SENP6: variants seen among roughly 807,000 people sequenced by gnomAD.
SENP6 encodes the protein SUMO specific peptidase 6, also known as sentrin-specific protease 6.
In SENP6, 41 loss-of-function variants were observed where a neutral mutation model predicts 134.5. That is an observed-to-expected ratio of 0.30 (90% CI 0.24 to 0.40). The LOEUF (loss-of-function observed/expected upper bound fraction) is 0.40. SENP6 is among the 10% of genes least tolerant of loss of function. The probability of loss-of-function intolerance (pLI) is 1.00; values close to 1 mark genes in which losing one functional copy is unlikely to be tolerated. For missense variants in SENP6, 1,248 were observed against 1,312.5 expected (o/e 0.95, Z 0.76); for synonymous variants, 395 against 429.8 (o/e 0.92, Z 1.00).
intron 21 of SENP6, 54 bp from the exon 22 acceptor site, chr6:75,713,459 T>A: frequency 7.3e-7 from 1 of 1,372,592 alleles, no homozygotes; most frequent in Non-Finnish European, 1.0e-6. Flanking sequence ...TTAATCCTTT[T>A]ATGCATTTGT....
chr6:75,640,040 T>C (rs1769905839), intron 5 of SENP6, among the ~76,000 whole-genome samples: 1 of 152,204 alleles, frequency 6.6e-6, no homozygotes, highest in African/African-American at 2.4e-5. Context: ...GATAACATTA[T>C]TGAATTTTTC....
chr6:75,696,931 T>C (rs1019929557), intron 17 of SENP6, among the ~76,000 whole-genome samples: 2 of 152,170 alleles, frequency 1.3e-5, no homozygotes, highest in Non-Finnish European at 2.9e-5. Context: ...TAATAAATAA[T>C]TAATAATAAT....
chr6:75,661,079 G>A (rs1414354915), intron 8 of SENP6, among the ~76,000 whole-genome samples: 1 of 151,940 alleles, frequency 6.6e-6, no homozygotes, highest in Non-Finnish European at 1.5e-5. Context: ...ATTGTTTCTC[G>A]GCCTTCTCAG....
At chr6:75,608,763 G>A (rs1001366917) in intron 1 of SENP6, among the ~76,000 whole-genome samples, 1 of 152,122 alleles carries the variant, frequency 6.6e-6, no homozygotes, top group Non-Finnish European at 1.5e-5. Flanking sequence ...TTATAAGATT[G>A]CCATGAGGAT....
intron 7 of SENP6, among the ~76,000 whole-genome samples, chr6:75,656,856 C>T (rs1771382300): frequency 6.6e-6 from 1 of 152,112 alleles, no homozygotes; most frequent in African/African-American, 2.4e-5. Context: ...TCATTTTTCT[C>T]TACCTATTAT....
chr6:75,689,554 C>T (rs757721876), intron 16 of SENP6, among the ~76,000 whole-genome samples: 18 of 152,298 alleles, frequency 1.2e-4, no homozygotes, highest in Admixed American at 4.6e-4. Context: ...TATGATCCAG[C>T]AATCCCACTT....
At chr6:75,605,991 A>G (rs1018069902) in intron 1 of SENP6, among the ~76,000 whole-genome samples, 4 of 152,136 alleles carry the variant, frequency 2.6e-5, no homozygotes. Flanking sequence ...GACTTGATGA[A>G]CTGTACATTG....
intron 19 of SENP6, among the ~76,000 whole-genome samples, chr6:75,706,253 G>T (rs764108230): frequency 6.6e-6 from 1 of 151,962 alleles, no homozygotes; most frequent in Non-Finnish European, 1.5e-5. Context: ...TTTTTGAGAT[G>T]ATGAAAAGGT....
chr6:75,709,901 T>C (rs1406849934), intron 20 of SENP6, among the ~76,000 whole-genome samples: 1 of 152,204 alleles, frequency 6.6e-6, no homozygotes, highest in African/African-American at 2.4e-5. Flanking sequence ...TGAATTTGGA[T>C]CATATCTTAA....
At chr6:75,652,683 C>CAAAAAAAAACAAAA (rs1770968332) in intron 7 of SENP6, among the ~76,000 whole-genome samples, 1 of 75,856 alleles carries the variant, frequency 1.3e-5, no homozygotes, top group African/African-American at 6.3e-5. Flanking sequence ...CTAAAAATCT[C>CAAAAAAAAACAAAA]AAAAAAAAAA....
At chr6:75,687,935 T>C (rs1773961202) in intron 16 of SENP6, among the ~76,000 whole-genome samples, 1 of 150,686 alleles carries the variant, frequency 6.6e-6, no homozygotes. Flanking sequence ...TCTTCAGAGC[T>C]ATCAGACAGG....
At chr6:75,706,176 TG>T (rs1414312743) in intron 19 of SENP6, among the ~76,000 whole-genome samples, 1 of 151,362 alleles carries the variant, frequency 6.6e-6, no homozygotes, top group Non-Finnish European at 1.5e-5. Context: ...TCGGGGCTTT[TG>T]GGGGTGGGCA....
intron 16 of SENP6, among the ~76,000 whole-genome samples, chr6:75,694,077 A>T (rs1774485295): frequency 1.3e-5 from 2 of 152,094 alleles, no homozygotes; most frequent in Admixed American, 1.3e-4. Flanking sequence ...AGCAACATGG[A>T]GAAACCCCGT....
intron 16 of SENP6, among the ~76,000 whole-genome samples, chr6:75,693,356 AT>A: frequency 6.7e-6 from 1 of 148,596 alleles, no homozygotes; most frequent in East Asian, 2.1e-4. Context: ...GTGAGCCAAG[AT>A]TGCACCACTG....
intron 8 of SENP6, among the ~76,000 whole-genome samples, chr6:75,661,578 A>G (rs1424724457): frequency 2.0e-5 from 3 of 152,258 alleles, no homozygotes; most frequent in Non-Finnish European, 4.4e-5. Flanking sequence ...TTGTTTTTTA[A>G]TAGAAGTCTT....
intron 23 of SENP6, among the ~76,000 whole-genome samples, chr6:75,714,145 A>C (rs571912401): frequency 1.3e-5 from 2 of 152,108 alleles, no homozygotes; most frequent in African/African-American, 4.8e-5. Context: ...TCTCCTCTTC[A>C]TAGATACATT....
At chr6:75,713,353 G>A (rs1249465159) in intron 21 of SENP6, among the ~76,000 whole-genome samples, 160 bp from the exon 22 acceptor site, 1 of 152,106 alleles carries the variant, frequency 6.6e-6, no homozygotes, top group Non-Finnish European at 1.5e-5. Context: ...AGGTTCGTAT[G>A]TGTCTATAAG....
At chr6:75,669,072 G>T (rs796218486) in intron 10 of SENP6, among the ~76,000 whole-genome samples, 5 of 152,242 alleles carry the variant, frequency 3.3e-5, no homozygotes, top group African/African-American at 1.2e-4. Context: ...AAAATAGGCC[G>T]GATGCGGTGG....
intron 11 of SENP6, among the ~76,000 whole-genome samples, chr6:75,673,268 C>G (rs1772822941): frequency 6.7e-6 from 1 of 150,108 alleles, no homozygotes; most frequent in African/African-American, 2.4e-5. Flanking sequence ...GGTTTTCATT[C>G]AGTTTAAATT....
Sources: allele counts gnomAD v4.1 joint callset (sites outside exome capture counted in the v4.1 genomes callset), GRCh38; gene constraint gnomAD v4.1.1; transcripts MANE v1.5; gene names NCBI Gene and HGNC (gene_info 2026-07-23, HGNC 2026-07-21).